The following EPB41L3 variants were observed in gnomAD, a reference collection of about 807,000 sequenced individuals.
EPB41L3 encodes the protein erythrocyte membrane protein band 4.1 like 3.
Under a neutral mutation model 127.1 loss-of-function variants are expected in EPB41L3, and 57 were observed. The ratio of observed to expected loss-of-function variants is 0.45; its 90% CI spans 0.36 to 0.56. The LOEUF (loss-of-function observed/expected upper bound fraction) is 0.56. EPB41L3 is among the 20% of genes least tolerant of loss of function. The probability of loss-of-function intolerance (pLI) is 0.00; values close to 1 mark genes in which losing one functional copy is unlikely to be tolerated. For missense variants in EPB41L3, 1,273 were observed against 1,372.2 expected (o/e 0.93, Z 1.14); for synonymous variants, 572 against 549.5 (o/e 1.04, Z -0.57).
chr18:5,412,785 C>T (rs757774776), intron 13 of EPB41L3, among the ~76,000 whole-genome samples: 19 of 150,876 alleles, frequency 1.3e-4, no homozygotes, highest in Non-Finnish European at 2.7e-4. Flanking sequence ...GTTTCCTTCC[C>T]ATAAAATGGG....
At chr18:5,534,268 T>C (rs1012333530) in intron 1 of EPB41L3, among the ~76,000 whole-genome samples, 1 of 152,258 alleles carries the variant, frequency 6.6e-6, no homozygotes, top group African/African-American at 2.4e-5. Context: ...GTACTATTTA[T>C]TTATATTATA....
intron 3 of EPB41L3, among the ~76,000 whole-genome samples, chr18:5,574,383 T>TG (rs1385133411): frequency 3.3e-5 from 5 of 149,956 alleles, no homozygotes; most frequent in African/African-American, 9.9e-5. Flanking sequence ...AGAATCAGTT[T>TG]TTTTTTTTTT....
intron 2 of EPB41L3, among the ~76,000 whole-genome samples, chr18:5,485,522 G>A (rs2089596318): frequency 6.6e-6 from 1 of 151,630 alleles, no homozygotes; most frequent in Admixed American, 6.6e-5. Context: ...AGAAATAAAG[G>A]GCATCCAAAC....
chr18:5,459,040 T>C (rs2147012966), intron 3 of EPB41L3, among the ~76,000 whole-genome samples: 1 of 152,284 alleles, frequency 6.6e-6, no homozygotes, highest in East Asian at 1.9e-4. Flanking sequence ...ATGAACCACA[T>C]CCTTGCAGGA....
At chr18:5,398,384 A>T (rs1395666474) in intron 16 of EPB41L3, 3 of 512,008 alleles carry the variant, frequency 5.9e-6, no homozygotes, top group Non-Finnish European at 1.0e-5. Context: ...GCAGATATAT[A>T]TATTTTTTCC....
At chr18:5,532,455 T>C (rs1480277467) in intron 1 of EPB41L3, among the ~76,000 whole-genome samples, 1 of 152,224 alleles carries the variant, frequency 6.6e-6, no homozygotes, top group African/African-American at 2.4e-5. Context: ...GCACATGCCA[T>C]CAGTCTCGTC....
intron 3 of EPB41L3, among the ~76,000 whole-genome samples, chr18:5,560,067 A>T (rs970197823): frequency 6.6e-6 from 1 of 152,216 alleles, no homozygotes; most frequent in African/African-American, 2.4e-5. Flanking sequence ...ACCTTACACA[A>T]TACGACCATT....
chr18:5,611,806 T>G (rs1376911900), intron 3 of EPB41L3, among the ~76,000 whole-genome samples: 1 of 152,100 alleles, frequency 6.6e-6, no homozygotes, highest in African/African-American at 2.4e-5. Flanking sequence ...GGTGTGCACC[T>G]GTAGTACACC....
chr18:5,617,531 G>A (rs1446470349), intron 1 of EPB41L3, among the ~76,000 whole-genome samples: 1 of 152,048 alleles, frequency 6.6e-6, no homozygotes, highest in Non-Finnish European at 1.5e-5. Flanking sequence ...TTTTAGCCGG[G>A]ATGGTCTCGA....
intron 1 of EPB41L3, among the ~76,000 whole-genome samples, chr18:5,509,423 C>T (rs374961138): frequency 1.4e-4 from 21 of 152,290 alleles, no homozygotes; most frequent in South Asian, 2.1e-4. Context: ...TAGAGTTAAA[C>T]GTGGTAGGAA....
intron 10 of EPB41L3, 82 bp downstream of exon 10, chr18:5,424,180 C>G: frequency 1.0e-6 from 1 of 955,680 alleles, no homozygotes. Context: ...GAATAAAATT[C>G]CATATTTTTT....
At chr18:5,518,892 G>A (rs187470806) in intron 1 of EPB41L3, among the ~76,000 whole-genome samples, 21 of 152,236 alleles carry the variant, frequency 1.4e-4, no homozygotes, top group African/African-American at 5.1e-4. Flanking sequence ...TAAAAGATTT[G>A]GGCTTTTTCT....
At chr18:5,616,955 C>T (rs780437362) in intron 1 of EPB41L3, among the ~76,000 whole-genome samples, 5 of 152,110 alleles carry the variant, frequency 3.3e-5, no homozygotes, top group African/African-American at 4.8e-5. Context: ...CTTGTGTATA[C>T]GTGCAAGAGT....
chr18:5,456,587 G>A (rs1220919849), intron 3 of EPB41L3, among the ~76,000 whole-genome samples: 2 of 152,190 alleles, frequency 1.3e-5, no homozygotes, highest in African/African-American at 4.8e-5. Flanking sequence ...GATAGGGGAA[G>A]AAAAAACCTT....
intron 1 of EPB41L3, among the ~76,000 whole-genome samples, chr18:5,529,500 G>T (rs2093343195): frequency 1.3e-5 from 2 of 152,126 alleles, no homozygotes; most frequent in South Asian, 4.1e-4. Context: ...GGAAGCAGAG[G>T]TGAAAGAATC....
In EPB41L3 at chr18:5,617,323, T is replaced by A. The variant is rs71358097; in HGVS notation, c.-467-2900A>T. The stretch of plus-strand genomic sequence containing the variant: ...TACAAGTCATTCTATTATTATTATT[T>A]TTTTTTTTTTTTTGAGACGGAGTCT... On this transcript the variant is annotated intron_variant, in intron 1 of 21. Transcript: ENST00000545076. 2.9e-3 allele frequency among the ~76,000 whole-genome samples: 363 copies of A among 127,116 alleles called. 4 individuals are homozygous for A. Among genetic ancestry groups the A allele is most frequent in the East Asian group, 5.4e-3 (25 of 4,670 alleles). 83.4% of individuals were successfully genotyped at this position (127,116 alleles called of 152,430 possible). A position where few individuals can be genotyped will look rare whatever the true frequency, so the allele number is the denominator to read the frequency against.
At chr18:5,461,610 G>A (rs986468277) in intron 3 of EPB41L3, among the ~76,000 whole-genome samples, 13 of 152,110 alleles carry the variant, frequency 8.5e-5, no homozygotes, top group Non-Finnish European at 1.6e-4. Flanking sequence ...TTTGCCTATG[G>A]TAGACTTATC....
At chr18:5,447,448 C>A (rs1026232640) in intron 3 of EPB41L3, among the ~76,000 whole-genome samples, 1 of 114,106 alleles carries the variant, frequency 8.8e-6, no homozygotes. Flanking sequence ...AGCTAGACTA[C>A]TTTTTTTTTT....
At chr18:5,575,239 A>C (rs2094325773) in intron 3 of EPB41L3, among the ~76,000 whole-genome samples, 1 of 152,076 alleles carries the variant, frequency 6.6e-6, no homozygotes, top group Non-Finnish European at 1.5e-5. Flanking sequence ...AAATATCCTC[A>C]ATAGCTGATA....
Sources: gnomAD v4.1 joint callset for allele counts (sites outside exome capture counted in the v4.1 genomes callset) on GRCh38, gnomAD v4.1.1 for gene constraint, MANE v1.5 for transcripts, NCBI Gene and HGNC (gene_info 2026-07-23, HGNC 2026-07-21) for gene names.